The following LDLRAD3 variants were observed in gnomAD, a reference collection of about 807,000 sequenced individuals.
LDLRAD3 encodes low-density lipoprotein receptor class A domain-containing protein 3.
LDLRAD3 carries 20 observed loss-of-function variants against 29.4 expected under a neutral mutation model. That is an observed-to-expected ratio of 0.68 (90% CI 0.48 to 0.99). The LOEUF (loss-of-function observed/expected upper bound fraction) is 0.99. Ranked by LOEUF, LDLRAD3 falls within the 50% of genes least tolerant of loss-of-function variation. The probability of loss-of-function intolerance (pLI) is 0.00; values close to 1 mark genes in which losing one functional copy is unlikely to be tolerated. For synonymous variants in LDLRAD3, 157 were observed against 192.7 expected (o/e 0.81, Z 1.53); for missense variants, 420 against 454.3 (o/e 0.92, Z 0.69).
rs542422092 is a variant in LDLRAD3 at position 36,155,286 on chromosome 11, C to G, written c.454+56825C>G. Among the ~76,000 whole-genome samples the G allele has an allele frequency of 6.6e-5, 10 of 152,346 alleles. No individual in the cohort carries two copies. In the East Asian group the frequency reaches 1.2e-3, roughly 18 times the overall value. ...ATGGCGAGCATGTGATTCTGCCCCT[C>G]TGCTCTGTGGCCTTTCAGTGACATT... On this transcript the variant is annotated intron_variant, in intron 4 of 5. Transcript: ENST00000315571.
At chr11:36,170,377 T>C (rs1192000822) in intron 4 of LDLRAD3, among the ~76,000 whole-genome samples, 2 of 151,224 alleles carry the variant, frequency 1.3e-5, no homozygotes, top group African/African-American at 4.9e-5. Context: ...CACATATATA[T>C]CTGACATTTT....
At position 35,982,585 on chromosome 11, in the gene LDLRAD3, A is replaced by C. The variant is rs6484806; in HGVS notation, c.46+38441A>C. ...TTTGCACAAAGTAGCCTACTCATGA[A>C]GCCATGGACTTACTGTGCATGCCCA... is the stretch of plus-strand genomic sequence containing the variant. On this transcript the variant is annotated intron_variant, in intron 1 of 5. Transcript: ENST00000315571. 7.1e-3 allele frequency among the ~76,000 whole-genome samples: 1,084 copies of C among 152,266 alleles called. 16 individuals are homozygous for C. The highest frequency in any genetic ancestry group is 0.049 in the South Asian group (234 of 4,818).
chr11:35,947,377 A>G (rs910239078), intron 1 of LDLRAD3, among the ~76,000 whole-genome samples: 2 of 151,864 alleles, frequency 1.3e-5, no homozygotes, highest in Non-Finnish European at 2.9e-5. Context: ...AGGTGTGGTG[A>G]CGTGCGCCTG....
intron 2 of LDLRAD3, among the ~76,000 whole-genome samples, chr11:36,076,394 C>CT (rs35086079): frequency 0.17 from 25,731 of 147,322 alleles, 2,387 homozygotes; most frequent in Middle Eastern, 0.33. Flanking sequence ...TTCTCACTGT[C>CT]TTTTTTTTTT....
chr11:35,986,661 A>G (rs1851618614), intron 1 of LDLRAD3, among the ~76,000 whole-genome samples: 1 of 152,106 alleles, frequency 6.6e-6, no homozygotes, highest in Non-Finnish European at 1.5e-5. Flanking sequence ...TTGCCACAGC[A>G]GGAGAAGAGA....
intron 4 of LDLRAD3, among the ~76,000 whole-genome samples, chr11:36,140,719 C>T (rs982124454): frequency 2.0e-5 from 3 of 152,162 alleles, no homozygotes; most frequent in East Asian, 1.9e-4. Flanking sequence ...CCGTGCCTGA[C>T]GTTGTGTACA....
intron 2 of LDLRAD3, among the ~76,000 whole-genome samples, chr11:36,077,530 C>T (rs573155942): frequency 5.5e-4 from 84 of 152,282 alleles, no homozygotes; most frequent in African/African-American, 1.1e-3. Context: ...GTTGTGTGAG[C>T]GAGCGTGGAG....
chr11:36,031,184 AAG>A (rs1259972184), intron 1 of LDLRAD3, among the ~76,000 whole-genome samples: 1 of 152,102 alleles, frequency 6.6e-6, no homozygotes, highest in Admixed American at 6.6e-5. Context: ...TAATGAAAAA[AAG>A]AGAAGGGAGG....
In LDLRAD3 at chr11:36,012,414, A is replaced by G. The variant is rs148751722; in HGVS notation, c.47-23689A>G. Among the ~76,000 whole-genome samples, 236 of 152,254 alleles carry G rather than the reference A, an allele frequency of 1.6e-3. 1 individual carries two copies. Among genetic ancestry groups the G allele is most frequent in the African/African-American group, 5.5e-3 (227 of 41,536 alleles). On this transcript the variant is annotated intron_variant, in intron 1 of 5. Transcript: ENST00000315571. ...TAAGTTTTTTTTCCTTTCCTTACTA[A>G]GTCGAGAACTTTCACCTTTTCACTT...
intron 3 of LDLRAD3, among the ~76,000 whole-genome samples, chr11:36,090,855 C>G (rs1385946624): frequency 6.6e-6 from 1 of 152,146 alleles, no homozygotes; most frequent in Admixed American, 6.6e-5. Flanking sequence ...GCTGCTGAGG[C>G]TGGGGGACCT....
At chr11:36,149,429 C>T (rs756610112) in intron 4 of LDLRAD3, among the ~76,000 whole-genome samples, 1 of 152,114 alleles carries the variant, frequency 6.6e-6, no homozygotes, top group African/African-American at 2.4e-5. Context: ...AGTATGCAGT[C>T]GCTAGAAAGG....
intron 2 of LDLRAD3, among the ~76,000 whole-genome samples, chr11:36,067,809 T>C (rs1207734563): frequency 6.6e-6 from 1 of 152,204 alleles, no homozygotes; most frequent in Non-Finnish European, 1.5e-5. Flanking sequence ...TAGCTAGGAC[T>C]ACAGGCGTGT....
At chr11:36,215,762 A>AT (rs1454564714) in intron 4 of LDLRAD3, among the ~76,000 whole-genome samples, 1 of 152,152 alleles carries the variant, frequency 6.6e-6, no homozygotes, top group East Asian at 1.9e-4. Context: ...GCTTACAGTG[A>AT]TTCTGTATCA....
intron 2 of LDLRAD3, among the ~76,000 whole-genome samples, chr11:36,040,063 C>G (rs558142986): frequency 6.6e-6 from 1 of 152,270 alleles, no homozygotes; most frequent in South Asian, 2.1e-4. Context: ...TTTGGAGCAA[C>G]TGGGTACTTA....
chr11:36,193,259 A>G (rs1471948523), intron 4 of LDLRAD3, among the ~76,000 whole-genome samples: 1 of 152,134 alleles, frequency 6.6e-6, no homozygotes, highest in African/African-American at 2.4e-5. Flanking sequence ...TCAATTCATG[A>G]AGGTGATTAT....
chr11:36,121,002 C>G (rs1164451620), intron 4 of LDLRAD3, among the ~76,000 whole-genome samples: 1 of 152,108 alleles, frequency 6.6e-6, no homozygotes, highest in Non-Finnish European at 1.5e-5. Context: ...CCTCCAGAAC[C>G]AGGAGGAATA....
rs112936718 is a variant in LDLRAD3 at position 36,102,208 on chromosome 11, A to G, written c.454+3747A>G. 1.1e-4 allele frequency among the ~76,000 whole-genome samples: 16 copies of G among 152,146 alleles called. 1 individual carries two copies. The highest frequency in any genetic ancestry group is 3.9e-4 in the African/African-American group (16 of 41,524). ...CGGCCGACCCACTGCCATCTTAACA[A>G]TACTTTTTGATGCACTGAGTACTCT... On this transcript the variant is annotated intron_variant, in intron 4 of 5. Transcript: ENST00000315571.
chr11:35,995,200 A>T (rs907689380), intron 1 of LDLRAD3, among the ~76,000 whole-genome samples: 1 of 152,240 alleles, frequency 6.6e-6, no homozygotes, highest in African/African-American at 2.4e-5. Context: ...TATTTCCTAA[A>T]TAAGACTTGA....
At chr11:36,139,804 G>A (rs572382960) in intron 4 of LDLRAD3, among the ~76,000 whole-genome samples, 1 of 152,296 alleles carries the variant, frequency 6.6e-6, no homozygotes, top group African/African-American at 2.4e-5. Flanking sequence ...TGCCCTTTGA[G>A]AATGGATGTT....
Sources: gnomAD v4.1 joint callset for allele counts (sites outside exome capture counted in the v4.1 genomes callset) on GRCh38, gnomAD v4.1.1 for gene constraint, MANE v1.5 for transcripts, NCBI Gene and HGNC (gene_info 2026-07-23, HGNC 2026-07-21) for gene names.